Variants in ZNF536 observed in about 807,000 individuals in gnomAD.
ZNF536 encodes zinc finger protein 536.
A neutral mutation model predicts 84.5 loss-of-function variants in ZNF536; 13 were observed. The observed-to-expected ratio is 0.15, with a 90% confidence interval of 0.10 to 0.24. The LOEUF (loss-of-function observed/expected upper bound fraction) is 0.24. ZNF536 is among the 10% of genes least tolerant of loss of function. ZNF536 has a pLI of 1.00. For synonymous variants in ZNF536, 811 were observed against 742.5 expected (o/e 1.09, Z -1.50); for missense variants, 1,536 against 1,747.5 (o/e 0.88, Z 2.16).
intron 1 of ZNF536, among the ~76,000 whole-genome samples, chr19:30,699,762 C>T (rs56215564): frequency 0.047 from 7,226 of 152,176 alleles, 225 homozygotes; most frequent in East Asian, 0.13. Flanking sequence ...TGGCATCCTC[C>T]CATTTTGCAG....
chr19:30,693,458 C>T (rs1181397095), intron 1 of ZNF536, among the ~76,000 whole-genome samples: 2 of 152,126 alleles, frequency 1.3e-5, no homozygotes, highest in African/African-American at 4.8e-5. Flanking sequence ...ATCTGTCATT[C>T]CTCAGCCATA....
At chr19:30,712,399 ACTT>A (rs1461713452) in exon 2 of ZNF536, 3 of 151,752 alleles carry the variant, frequency 2.0e-5, no homozygotes, top group East Asian at 1.9e-4. Context: ...GAAAGTATTA[ACTT>A]CTTCTAAAAC....
At chr19:30,455,109 C>T (rs188107616) in intron 2 of ZNF536, among the ~76,000 whole-genome samples, 52 of 152,298 alleles carry the variant, frequency 3.4e-4, no homozygotes, top group African/African-American at 1.2e-3. Context: ...CGTTCACTGA[C>T]TTTATGATGC....
At chr19:30,600,219 AG>A (rs2047637323) in intron 1 of ZNF536, among the ~76,000 whole-genome samples, 1 of 151,888 alleles carries the variant, frequency 6.6e-6, no homozygotes, top group African/African-American at 2.4e-5. Context: ...TAGCCTCCCT[AG>A]TAGCTGAGAT....
At chr19:30,397,442 C>T (rs1394879531) in intron 1 of ZNF536, among the ~76,000 whole-genome samples, 1 of 152,208 alleles carries the variant, frequency 6.6e-6, no homozygotes, top group Non-Finnish European at 1.5e-5. Context: ...AGTTTCCTGG[C>T]TGTGATGCCA....
At position 30,450,377 on chromosome 19, in the gene ZNF536, A is replaced by C. The variant is rs140244059; in HGVS notation, c.2170+4645A>C. The stretch of plus-strand genomic sequence containing the variant: ...CGAAGACAGTCATTATCAGCAGAGG[A>C]AACAGAAAGTAAAAGTTTCCAGGCA... On this transcript the variant is annotated intron_variant, in intron 2 of 4. Transcript: ENST00000355537. Among the ~76,000 whole-genome samples the C allele has an allele frequency of 3.5e-3, 529 of 152,278 alleles. 4 individuals carry two copies. Among genetic ancestry groups the C allele is most frequent in the African/African-American group, 0.012 (514 of 41,556 alleles).
intron 2 of ZNF536, among the ~76,000 whole-genome samples, chr19:30,447,150 G>A (rs958619192): frequency 6.6e-6 from 1 of 152,196 alleles, no homozygotes; most frequent in African/African-American, 2.4e-5. Context: ...TAAAGACGTA[G>A]CAGCACCCTG....
At position 30,262,093 on chromosome 19, in the gene ZNF536, G is replaced by A. The variant is rs146273708; in HGVS notation, c.-189-21979G>A. On this transcript the variant is annotated intron_variant, in intron 1 of 5. Transcript: ENST00000585628. ...TCTAGTTCACCGCTTTCAGAAATAC[G>A]GGTTTGGTTTAGGTGGCGATGGTGG... Among the ~76,000 whole-genome samples, 567 of 152,322 alleles carry A rather than the reference G, an allele frequency of 3.7e-3. 5 individuals are homozygous for A. The highest frequency in any genetic ancestry group is 0.012 in the African/African-American group (514 of 41,560).
intron 1 of ZNF536, among the ~76,000 whole-genome samples, chr19:30,260,072 GCTT>G (rs2025128979): frequency 6.6e-6 from 1 of 152,128 alleles, no homozygotes; most frequent in African/African-American, 2.4e-5. Context: ...GCTATTGGAT[GCTT>G]CTTTCTTCTG....
At chr19:30,685,056 T>G (rs1181605061) in intron 1 of ZNF536, among the ~76,000 whole-genome samples, 1 of 152,202 alleles carries the variant, frequency 6.6e-6, no homozygotes, top group African/African-American at 2.4e-5. Flanking sequence ...CAGATTGGAC[T>G]CAACAGCTTC....
chr19:30,671,418 C>T (rs1475738571), intron 1 of ZNF536, among the ~76,000 whole-genome samples: 1 of 152,196 alleles, frequency 6.6e-6, no homozygotes, highest in Admixed American at 6.5e-5. Flanking sequence ...AAGCAGTGAC[C>T]AGGGACAGGC....
At position 30,548,915 on chromosome 19, in the gene ZNF536, A is replaced by C. The variant is rs1361170706; in HGVS notation, c.3296A>C (p.His1099Pro). The C allele has an allele frequency of 4.0e-5, 65 of 1,614,052 alleles. No homozygotes were observed. Among genetic ancestry groups the C allele is most frequent in the Non-Finnish European group, 5.5e-5 (65 of 1,180,050 alleles). ...GEQKSGAWTGHVDPAFCNFPS... is the reference protein window; with the variant it reads ...GEQKSGAWTGPVDPAFCNFPS... ...CAGAAGAGCGGTGCATGGACCGGCC[A>C]CGTGGACCCTGCATTTTGTAACTTC... The change falls in exon 4 of 5, where the codon CAC becomes CCC. Residue 1099 changes from histidine (H) to proline (P), a missense_variant. His to Pro is a moderately conservative substitution (Grantham distance 77). Coordinates refer to ENST00000355537, the MANE Select transcript of ZNF536 (RefSeq NM_014717.3).
chr19:30,326,360 G>A (rs1015034583), intron 2 of ZNF536, among the ~76,000 whole-genome samples: 2 of 152,236 alleles, frequency 1.3e-5, no homozygotes, highest in Middle Eastern at 3.2e-3. Context: ...CCAGAGCAGT[G>A]CAGGGAGAAA....
At chr19:30,569,046 T>TA (rs2046447268) in intron 1 of ZNF536, among the ~76,000 whole-genome samples, 1 of 152,102 alleles carries the variant, frequency 6.6e-6, no homozygotes, top group African/African-American at 2.4e-5. Flanking sequence ...AATGGAGAAC[T>TA]AAATGATGAA....
intron 2 of ZNF536, among the ~76,000 whole-genome samples, chr19:30,458,616 C>T (rs997209250): frequency 1.3e-5 from 2 of 152,006 alleles, no homozygotes; most frequent in Non-Finnish European, 2.9e-5. Flanking sequence ...CCACACCAGG[C>T]TAATTTTGTA....
At chr19:30,590,217 G>T (rs2047228778) in intron 1 of ZNF536, among the ~76,000 whole-genome samples, 1 of 152,188 alleles carries the variant, frequency 6.6e-6, no homozygotes, top group Admixed American at 6.5e-5. Context: ...GATACTTGGT[G>T]GGCGTCCTTC....
chr19:30,328,206 C>G (rs1264230207), intron 2 of ZNF536, among the ~76,000 whole-genome samples: 1 of 152,118 alleles, frequency 6.6e-6, no homozygotes, highest in African/African-American at 2.4e-5. Context: ...GGTGGGGAGG[C>G]ATTGCCCAGC....
intron 2 of ZNF536, among the ~76,000 whole-genome samples, chr19:30,337,863 AG>A (rs2146495568): frequency 6.6e-6 from 1 of 152,338 alleles, no homozygotes; most frequent in East Asian, 1.9e-4. Flanking sequence ...GAGCTCAGTA[AG>A]TGTTAACTGT....
At chr19:30,383,543 C>CG (rs2049106661) in intron 1 of ZNF536, among the ~76,000 whole-genome samples, 1 of 151,492 alleles carries the variant, frequency 6.6e-6, no homozygotes, top group Non-Finnish European at 1.5e-5. Context: ...GCCTGTGGCC[C>CG]AGGGCCTGCT....
Sources: gnomAD v4.1 joint callset for allele counts (sites outside exome capture counted in the v4.1 genomes callset) on GRCh38, gnomAD v4.1.1 for gene constraint, MANE v1.5 for transcripts, NCBI Gene and HGNC (gene_info 2026-07-23, HGNC 2026-07-21) for gene names.